NBEA: variants seen among roughly 807,000 people sequenced by gnomAD.
NBEA encodes the protein neurobeachin.
A neutral mutation model predicts 343.4 loss-of-function variants in NBEA; 44 were observed. The ratio of observed to expected loss-of-function variants is 0.13; its 90% CI spans 0.10 to 0.16. The LOEUF (loss-of-function observed/expected upper bound fraction) is 0.16. NBEA is among the 10% of genes least tolerant of loss of function. The probability of loss-of-function intolerance (pLI) is 1.00; values close to 1 mark genes in which losing one functional copy is unlikely to be tolerated. For synonymous variants in NBEA, 1,175 were observed against 1,238.7 expected, an observed-to-expected ratio of 0.95 and a Z score of 1.08; for missense variants, 2,555 against 3,631.3, an observed-to-expected ratio of 0.70 and a Z score of 7.62.
chr13:35,152,194 TA>T (rs1433050012), intron 18 of NBEA, among the ~76,000 whole-genome samples: 52 of 152,332 alleles, frequency 3.4e-4, no homozygotes, highest in Admixed American at 3.3e-3. Flanking sequence ...GGAAAACATA[TA>T]TTTTTTAAAT....
At chr13:35,667,323 T>G (rs369348695) in intron 56 of NBEA, 51 bp from the exon 57 acceptor site, 1 of 1,483,484 alleles carries the variant, frequency 6.7e-7, no homozygotes, top group Non-Finnish European at 9.3e-7. Flanking sequence ...GGAGCTAGTA[T>G]GTCGTTTGTC....
intron 39 of NBEA, among the ~76,000 whole-genome samples, chr13:35,441,294 G>T (rs1488612780): frequency 1.3e-5 from 2 of 152,058 alleles, no homozygotes; most frequent in East Asian, 3.9e-4. Context: ...TCCTTAAATT[G>T]TCTGTACAAA....
intron 38 of NBEA, among the ~76,000 whole-genome samples, chr13:35,358,717 CA>C (rs200811266): frequency 9.5e-4 from 138 of 144,652 alleles, no homozygotes; most frequent in Admixed American, 1.7e-3. Context: ...GACTCTGTCT[CA>C]AAAAAAAAAA....
At position 35,157,185 on chromosome 13, in the gene NBEA, T is replaced by C; in HGVS notation, c.2759T>C (p.Phe920Ser). Residue 920 changes from phenylalanine to serine, a missense_variant, in exon 21 of 59, where the codon TTC becomes TCC. By Grantham distance (155) the Phe-to-Ser change is radical. Transcript: ENST00000379939. ...ATTACCGAAATGGTCTACAATATCT[T>C]CCGGATTCTTTTGTATCATGCAATA... ...QKITEMVYNI[F>S]RILLYHAIKY... The C allele has an allele frequency of 6.2e-7, 1 of 1,611,054 alleles. No homozygotes were observed. The highest frequency in any genetic ancestry group is 8.5e-7 in the Non-Finnish European group (1 of 1,178,322).
At chr13:35,004,171 G>A (rs996773425) in intron 1 of NBEA, among the ~76,000 whole-genome samples, 2 of 152,076 alleles carry the variant, frequency 1.3e-5, no homozygotes, top group African/African-American at 2.4e-5. Context: ...TCTTTATCCA[G>A]TATATTATTG....
chr13:35,650,238 A>G (rs538167105), intron 52 of NBEA, among the ~76,000 whole-genome samples: 7 of 152,274 alleles, frequency 4.6e-5, no homozygotes, highest in African/African-American at 9.6e-5. Context: ...TCTTGTCTCT[A>G]TATCAGTAAT....
intron 17 of NBEA, among the ~76,000 whole-genome samples, chr13:35,129,184 C>G (rs2152683714): frequency 6.6e-6 from 1 of 152,004 alleles, no homozygotes; most frequent in East Asian, 1.9e-4. Flanking sequence ...ATGTTGTGTA[C>G]ATGTACCCTA....
chr13:35,070,838 G>A lies in NBEA; in HGVS notation c.1557G>A (p.Val519=), dbSNP rs2063838481. 7 of 1,609,562 alleles carry A rather than the reference G, an allele frequency of 4.3e-6. No individual in the cohort carries two copies. Among genetic ancestry groups the A allele is most frequent in the South Asian group, 2.2e-5 (2 of 90,804 alleles). The change falls in exon 10 of 59, where the codon GTG becomes GTA. Residue 519 remains valine, a synonymous_variant. Transcript: ENST00000379939. ...LDNRQLNDSQ[V]ETTVCATLLA... is the part of the protein sequence containing the mutation. ...ATAGGCAGCTCAATGACAGTCAAGT[G>A]GAAACAACTGTCTGGTAAGTTTTCT... is the stretch of plus-strand genomic sequence containing the variant.
At chr13:35,462,518 C>A (rs952172381) in intron 40 of NBEA, among the ~76,000 whole-genome samples, 1 of 152,164 alleles carries the variant, frequency 6.6e-6, no homozygotes, top group Admixed American at 6.5e-5. Flanking sequence ...GAAGTTGAGA[C>A]TGACAAGCGC....
intron 34 of NBEA, chr13:35,251,502 G>A (rs1254468750): frequency 1.8e-6 from 2 of 1,099,892 alleles, no homozygotes; most frequent in Non-Finnish European, 2.2e-6. Flanking sequence ...ACCTTGTGGA[G>A]TGAGCAGCGG....
intron 39 of NBEA, among the ~76,000 whole-genome samples, chr13:35,451,219 G>A (rs1027533031): frequency 7.2e-5 from 11 of 152,124 alleles, no homozygotes; most frequent in African/African-American, 2.7e-4. Flanking sequence ...CGCCTCCCGG[G>A]TTCACGCCAT....
At chr13:35,429,829 G>GTGTGTGTGTT (rs1241284040) in intron 38 of NBEA, among the ~76,000 whole-genome samples, 1 of 146,938 alleles carries the variant, frequency 6.8e-6, no homozygotes, top group African/African-American at 2.6e-5. Flanking sequence ...GTGTGTGTGT[G>GTGTGTGTGTT]TGTGTACACA....
intron 31 of NBEA, among the ~76,000 whole-genome samples, chr13:35,208,168 C>T (rs919167652): frequency 1.6e-4 from 25 of 151,900 alleles, no homozygotes; most frequent in African/African-American, 5.6e-4. Flanking sequence ...TGTAGTGAGC[C>T]GAGATGGCAC....
At chr13:35,308,752 T>C (rs935078245) in intron 35 of NBEA, among the ~76,000 whole-genome samples, 2 of 149,532 alleles carry the variant, frequency 1.3e-5, no homozygotes. Flanking sequence ...TAGAAATCAC[T>C]AGCATAAACC....
chr13:35,151,543 CAA>C (rs35047334), intron 18 of NBEA, among the ~76,000 whole-genome samples: 16 of 94,190 alleles, frequency 1.7e-4, no homozygotes, highest in Non-Finnish European at 1.3e-4. Flanking sequence ...AACTCTGTCT[CAA>C]AAAAAAAAAA....
intron 27 of NBEA, among the ~76,000 whole-genome samples, chr13:35,176,182 G>A (rs146905948): frequency 3.9e-5 from 6 of 152,108 alleles, no homozygotes; most frequent in Admixed American, 6.6e-5. Flanking sequence ...TTACTATGGC[G>A]TGCTGCCAAG....
chr13:35,580,993 T>A (rs1252289010), intron 45 of NBEA, among the ~76,000 whole-genome samples: 3 of 152,198 alleles, frequency 2.0e-5, no homozygotes, highest in Non-Finnish European at 2.9e-5. Context: ...AAAGAATGTT[T>A]TGTGAGATTT....
intron 36 of NBEA, among the ~76,000 whole-genome samples, chr13:35,332,365 C>G (rs1302205295): frequency 6.6e-6 from 1 of 151,858 alleles, no homozygotes; most frequent in Non-Finnish European, 1.5e-5. Flanking sequence ...AATAGCATGA[C>G]TCATTAAAGG....
intron 45 of NBEA, among the ~76,000 whole-genome samples, chr13:35,573,520 G>A (rs2080550008): frequency 6.6e-6 from 1 of 152,160 alleles, no homozygotes; most frequent in African/African-American, 2.4e-5. Context: ...TTGCTTGTTG[G>A]AGACATAATA....
Sources: allele counts gnomAD v4.1 joint callset (sites outside exome capture counted in the v4.1 genomes callset), GRCh38; gene constraint gnomAD v4.1.1; transcripts MANE v1.5; gene names NCBI Gene and HGNC (gene_info 2026-07-23, HGNC 2026-07-21).